The following FAM117B variants were observed in gnomAD, a reference collection of about 807,000 sequenced individuals.
FAM117B encodes the protein family with sequence similarity 117 member B.
A neutral mutation model predicts 52.8 loss-of-function variants in FAM117B; 22 were observed. The ratio of observed to expected loss-of-function variants is 0.42; its 90% CI spans 0.30 to 0.59. The LOEUF (loss-of-function observed/expected upper bound fraction) is 0.59, where lower values mean the gene tolerates loss of function less well. Among genes scored for constraint, FAM117B ranks in the 20% least tolerant of loss-of-function variants. The pLI is 0.22. For synonymous variants in FAM117B, 309 were observed against 324.1 expected (o/e 0.95, Z 0.50); for missense variants, 678 against 802.6 (o/e 0.84, Z 1.88).
At chr2:202,662,233 C>T (rs1284714503) in intron 1 of FAM117B, among the ~76,000 whole-genome samples, 3 of 152,104 alleles carry the variant, frequency 2.0e-5, no homozygotes, top group Middle Eastern at 3.4e-3. Context: ...TCATTTGTGG[C>T]AGCATGGGTG....
At chr2:202,682,634 C>T (rs1443232625) in intron 1 of FAM117B, among the ~76,000 whole-genome samples, 1 of 152,186 alleles carries the variant, frequency 6.6e-6, no homozygotes, top group African/African-American at 2.4e-5. Context: ...GGAACATTCA[C>T]CAGCATAAAC....
At chr2:202,637,512 C>G (rs1182517873) in intron 1 of FAM117B, among the ~76,000 whole-genome samples, 1 of 152,184 alleles carries the variant, frequency 6.6e-6, no homozygotes, top group African/African-American at 2.4e-5. Context: ...CCGCCTTGGC[C>G]TCCCAAAGTG....
At chr2:202,648,372 G>A (rs1559093751) in intron 1 of FAM117B, among the ~76,000 whole-genome samples, 1 of 151,956 alleles carries the variant, frequency 6.6e-6, no homozygotes, top group Admixed American at 6.6e-5. Context: ...AATTAGCCGA[G>A]TATAGCGGTC....
chr2:202,701,258 A>G (rs1394884216), intron 2 of FAM117B, among the ~76,000 whole-genome samples: 1 of 152,178 alleles, frequency 6.6e-6, no homozygotes, highest in Non-Finnish European at 1.5e-5. Flanking sequence ...ACGTCTTTTT[A>G]TAGCATGATT....
At chr2:202,741,856 A>T (rs1691545544) in intron 4 of FAM117B, among the ~76,000 whole-genome samples, 1 of 152,182 alleles carries the variant, frequency 6.6e-6, no homozygotes, top group Non-Finnish European at 1.5e-5. Context: ...GTATGACTGC[A>T]GTCCATAGCA....
At chr2:202,710,670 T>C (rs959872692) in intron 2 of FAM117B, among the ~76,000 whole-genome samples, 1 of 152,146 alleles carries the variant, frequency 6.6e-6, no homozygotes, top group African/African-American at 2.4e-5. Flanking sequence ...TATCTAACTA[T>C]ATTTTTTGTA....
chr2:202,725,113 T>C (rs1368514497), intron 3 of FAM117B, 104 bp downstream of exon 3: 2 of 773,268 alleles, frequency 2.6e-6, no homozygotes, highest in African/African-American at 3.5e-5. Flanking sequence ...TCCATTGATT[T>C]CTTTTTTCTT....
chr2:202,649,365 G>C (rs1033412062), intron 1 of FAM117B, among the ~76,000 whole-genome samples: 2 of 152,088 alleles, frequency 1.3e-5, no homozygotes, highest in Non-Finnish European at 2.9e-5. Context: ...TTGTGCTAGA[G>C]CACTGCTGTC....
intron 4 of FAM117B, among the ~76,000 whole-genome samples, chr2:202,730,774 T>C (rs1691330495): frequency 6.6e-6 from 1 of 152,226 alleles, no homozygotes; most frequent in Admixed American, 6.5e-5. Context: ...AGGACCTAAA[T>C]GTAAGAGCTA....
At chr2:202,693,072 A>G (rs188809529) in intron 1 of FAM117B, among the ~76,000 whole-genome samples, 7 of 152,202 alleles carry the variant, frequency 4.6e-5, no homozygotes. Context: ...TCCCAACCCC[A>G]GATATAAACC....
At chr2:202,727,703 G>A (rs1210607707) in intron 4 of FAM117B, among the ~76,000 whole-genome samples, 1 of 152,030 alleles carries the variant, frequency 6.6e-6, no homozygotes, top group Non-Finnish European at 1.5e-5. Context: ...TGTGGATTTT[G>A]GTATTTGGAG....
intron 5 of FAM117B, among the ~76,000 whole-genome samples, chr2:202,756,904 C>A (rs1326622425): frequency 6.6e-6 from 1 of 152,062 alleles, no homozygotes; most frequent in Non-Finnish European, 1.5e-5. Context: ...TTTCATGGCC[C>A]TCATTTATAA....
At chr2:202,646,021 A>G (rs1235513217) in intron 1 of FAM117B, among the ~76,000 whole-genome samples, 1 of 150,644 alleles carries the variant, frequency 6.6e-6, no homozygotes, top group Non-Finnish European at 1.5e-5. Context: ...TTAATGCCTA[A>G]AAGTTTTTTG....
chr2:202,703,111 G>T (rs1353331829), intron 2 of FAM117B, among the ~76,000 whole-genome samples: 2 of 152,102 alleles, frequency 1.3e-5, no homozygotes, highest in African/African-American at 2.4e-5. Context: ...TGCAACCATT[G>T]CTAACTATTT....
At chr2:202,749,321 ATTTG>A (rs942735094) in intron 4 of FAM117B, among the ~76,000 whole-genome samples, 6 of 152,240 alleles carry the variant, frequency 3.9e-5, no homozygotes, top group East Asian at 1.9e-4. Context: ...ATTGAAAACT[ATTTG>A]TTTAATAGAG....
At position 202,769,470 on chromosome 2, in the gene FAM117B, A is replaced by C. The variant is rs1692038041; in HGVS notation, c.*3706A>C. 6.6e-6 allele frequency: 1 copy of C among 152,594 alleles called. No homozygotes were observed. Among genetic ancestry groups the C allele is most frequent in the Non-Finnish European group, 1.5e-5 (1 of 68,032 alleles). 9.5% of individuals were successfully genotyped at this position (152,594 alleles called of 1,614,324 possible). ...TGCACTTTAAGTTCTACTCTGACCA[A>C]ATTGAAGATGAGCAGAGCAGCCCTG... is the stretch of plus-strand genomic sequence containing the variant. On this transcript the variant is annotated 3_prime_UTR_variant, in exon 8 of 8. Transcript: ENST00000392238.
intron 4 of FAM117B, among the ~76,000 whole-genome samples, chr2:202,751,095 C>T (rs1057169491): frequency 1.3e-5 from 2 of 152,056 alleles, no homozygotes; most frequent in Non-Finnish European, 2.9e-5. Flanking sequence ...AAGGGCTAAA[C>T]CCTTGAAGAC....
At chr2:202,692,135 C>T (rs1482752246) in intron 1 of FAM117B, among the ~76,000 whole-genome samples, 2 of 152,034 alleles carry the variant, frequency 1.3e-5, no homozygotes, top group African/African-American at 4.8e-5. Context: ...AGACCCTTAC[C>T]AAGATAATAA....
At position 202,678,620 on chromosome 2, in the gene FAM117B, C is replaced by T. The variant is rs541369947; in HGVS notation, c.602-17261C>T. 4.6e-5 allele frequency among the ~76,000 whole-genome samples: 7 copies of T among 152,264 alleles called. No individual in the cohort carries two copies. In the East Asian group the frequency reaches 9.6e-4, roughly 21 times the overall value. ...TGTTGCCCAGGCTGGAGTGCAATGG[C>T]GAGATCTTGGCTCACTGCAACCTTT... On this transcript the variant is annotated intron_variant, in intron 1 of 7. Coordinates refer to ENST00000392238, the MANE Select transcript of FAM117B (RefSeq NM_173511.4).
Sources: gnomAD v4.1 joint callset for allele counts (sites outside exome capture counted in the v4.1 genomes callset) on GRCh38, gnomAD v4.1.1 for gene constraint, MANE v1.5 for transcripts, NCBI Gene and HGNC (gene_info 2026-07-23, HGNC 2026-07-21) for gene names.